The following IFT56 variants were observed in gnomAD, a reference collection of about 807,000 sequenced individuals.
IFT56 encodes the protein intraflagellar transport 56, also known as intraflagellar transport protein 56.
At chr7:139,148,409 C>G in the IFT56 span, 1 of 1,579,886 alleles carries the variant, frequency 6.3e-7, no homozygotes, top group Non-Finnish European at 8.7e-7. Context: ...TAATGTACTT[C>G]ATTCCAATTT....
the IFT56 span, among the ~76,000 whole-genome samples, chr7:139,150,092 C>G: frequency 6.6e-6 from 1 of 151,938 alleles, no homozygotes; most frequent in African/African-American, 2.4e-5. Context: ...AAAATCCTAC[C>G]CTTGCCCTCC....
chr7:139,149,222 G>A, the IFT56 span, among the ~76,000 whole-genome samples: 18 of 150,088 alleles, frequency 1.2e-4, no homozygotes, highest in Admixed American at 6.7e-5. Context: ...GGAGAATGGC[G>A]TGAACTCGGG....
At chr7:139,170,834 A>G in the IFT56 span, among the ~76,000 whole-genome samples, 1 of 152,226 alleles carries the variant, frequency 6.6e-6, no homozygotes, top group Admixed American at 6.5e-5. Context: ...TCAACATAGC[A>G]CTGGAAGTCC....
At chr7:139,168,314 C>T in the IFT56 span, 6 of 1,498,964 alleles carry the variant, frequency 4.0e-6, no homozygotes, top group Non-Finnish European at 5.5e-6. Flanking sequence ...CTCCACATTC[C>T]TCTTAATCAG....
At chr7:139,172,034 T>C in the IFT56 span, among the ~76,000 whole-genome samples, 1 of 151,716 alleles carries the variant, frequency 6.6e-6, no homozygotes, top group Admixed American at 6.6e-5. Context: ...CGAGTCCCTC[T>C]AAAATACTTT....
chr7:139,160,794 A>G, the IFT56 span, among the ~76,000 whole-genome samples: 2 of 152,236 alleles, frequency 1.3e-5, no homozygotes, highest in Non-Finnish European at 2.9e-5. Flanking sequence ...CTCATTTGAA[A>G]ATGTGGGTAA....
the IFT56 span, among the ~76,000 whole-genome samples, chr7:139,182,130 G>A: frequency 6.6e-6 from 1 of 152,116 alleles, no homozygotes; most frequent in Admixed American, 6.6e-5. Context: ...AGGCTGGGAG[G>A]AGGTAGTAGT....
At chr7:139,148,321 G>A in the IFT56 span, 10 of 1,613,788 alleles carry the variant, frequency 6.2e-6, no homozygotes, top group East Asian at 2.2e-5. Flanking sequence ...TAGTACCATC[G>A]CACTCAATCT....
At chr7:139,135,204 G>A in the IFT56 span, among the ~76,000 whole-genome samples, 2 of 149,610 alleles carry the variant, frequency 1.3e-5, no homozygotes, top group Non-Finnish European at 3.0e-5. Context: ...GCTTGAACCC[G>A]GGAGGCGGAG....
the IFT56 span, chr7:139,173,136 C>T: frequency 1.6e-3 from 1,078 of 668,298 alleles, 6 homozygotes; most frequent in Middle Eastern, 5.2e-3. Context: ...ATGGATTCAA[C>T]AAAGGCAGGC....
chr7:139,146,299 A>G, the IFT56 span, among the ~76,000 whole-genome samples: 8 of 152,252 alleles, frequency 5.3e-5, no homozygotes, highest in Admixed American at 2.6e-4. Context: ...CATCTAACAA[A>G]ATAAGCATTA....
chr7:139,178,679 A>G, the IFT56 span: 2 of 1,283,534 alleles, frequency 1.6e-6, no homozygotes, highest in Non-Finnish European at 1.1e-6. Context: ...TAAAATGGTC[A>G]AGGGTTAAGG....
the IFT56 span, among the ~76,000 whole-genome samples, chr7:139,136,625 T>C: frequency 6.6e-6 from 1 of 151,658 alleles, no homozygotes; most frequent in Admixed American, 6.6e-5. Flanking sequence ...TAATTTTCGT[T>C]TGATTGGCTA....
the IFT56 span, among the ~76,000 whole-genome samples, chr7:139,181,683 A>C: frequency 6.6e-6 from 1 of 152,240 alleles, no homozygotes; most frequent in Non-Finnish European, 1.5e-5. Context: ...CCTACTATAC[A>C]CTTGGGCCAT....
At chr7:139,146,837 G>T in the IFT56 span, 9 of 383,410 alleles carry the variant, frequency 2.3e-5, no homozygotes, top group African/African-American at 1.9e-4. Context: ...AAAGAGAGTA[G>T]ACAGAAAAAG....
chr7:139,162,192 C>A, the IFT56 span, among the ~76,000 whole-genome samples: 4 of 152,142 alleles, frequency 2.6e-5, no homozygotes, highest in Non-Finnish European at 5.9e-5. Flanking sequence ...ATGTCATTTA[C>A]AACTGCACAT....
chr7:139,140,096 G>GA, the IFT56 span: 4,889 of 704,614 alleles, frequency 6.9e-3, no homozygotes, highest in Non-Finnish European at 8.2e-3. Context: ...TTTCTCTTGA[G>GA]AAAAAAAAAA....
the IFT56 span, among the ~76,000 whole-genome samples, chr7:139,146,194 G>A: frequency 1.3e-5 from 2 of 152,086 alleles, no homozygotes; most frequent in Non-Finnish European, 2.9e-5. Flanking sequence ...TCTGTAACAG[G>A]CAGGAGTGAG....
At chr7:139,175,739 C>G in the IFT56 span, among the ~76,000 whole-genome samples, 1 of 151,120 alleles carries the variant, frequency 6.6e-6, no homozygotes, top group African/African-American at 2.4e-5. Flanking sequence ...TTAGCAGAGC[C>G]TGGGAAGGGT....
Sources: allele counts gnomAD v4.1 joint callset (sites outside exome capture counted in the v4.1 genomes callset), GRCh38; gene constraint gnomAD v4.1.1; transcripts MANE v1.5; gene names NCBI Gene and HGNC (gene_info 2026-07-23, HGNC 2026-07-21).